UBE2J1: variants seen among roughly 807,000 people sequenced by gnomAD.
The protein encoded by UBE2J1 is ubiquitin-conjugating enzyme E2 J1.
Under a neutral mutation model 42.1 loss-of-function variants are expected in UBE2J1, and 17 were observed. The ratio of observed to expected loss-of-function variants is 0.40; its 90% CI spans 0.28 to 0.61. The LOEUF (loss-of-function observed/expected upper bound fraction) is 0.61, where lower values mean the gene tolerates loss of function less well. Among genes scored for constraint, UBE2J1 ranks in the 20% least tolerant of loss-of-function variants. The pLI is 0.38. For missense variants in UBE2J1, 291 were observed against 389.4 expected (o/e 0.75, Z 2.13); for synonymous variants, 127 against 137.2 (o/e 0.93, Z 0.52).
In UBE2J1 at chr6:89,326,976, GTTC is replaced by G. The variant is rs1320497464; in HGVS notation, c.*2700_*2702del. 6.6e-6 allele frequency: 1 copy of G among 152,458 alleles called. No individual in the cohort carries two copies. The allele number at this position is 152,458 out of a possible 1,614,324, so 9.4% of individuals were successfully genotyped here. A position where few individuals can be genotyped will look rare whatever the true frequency, so the allele number is the denominator to read the frequency against. ...TTCATAGCCAAAAATGACAAAAAGA[GTTC>G]TTATTCTCCCAAAATAGGAAATTTT... On this transcript the variant is annotated 3_prime_UTR_variant, in exon 8 of 8. Transcript: ENST00000435041.
chr6:89,344,916 G>A (rs1305155167), intron 1 of UBE2J1, among the ~76,000 whole-genome samples: 1 of 152,166 alleles, frequency 6.6e-6, no homozygotes, highest in Non-Finnish European at 1.5e-5. Context: ...CCTTTGATAT[G>A]CACTCTGGAT....
intron 5 of UBE2J1, among the ~76,000 whole-genome samples, chr6:89,335,872 A>G (rs1768098483): frequency 6.6e-6 from 1 of 152,196 alleles, no homozygotes; most frequent in South Asian, 2.1e-4. Flanking sequence ...CTAGGGAAAA[A>G]AAAACCCCTC....
intron 4 of UBE2J1, 33 bp from the exon 5 acceptor site, chr6:89,338,343 G>T: frequency 6.3e-7 from 1 of 1,598,366 alleles, no homozygotes; most frequent in Non-Finnish European, 8.6e-7. Context: ...AATCTAAATT[G>T]CTTTGTAAAA....
intron 1 of UBE2J1, among the ~76,000 whole-genome samples, chr6:89,348,876 C>T (rs1307977386): frequency 4.6e-5 from 7 of 152,212 alleles, no homozygotes; most frequent in Non-Finnish European, 8.8e-5. Flanking sequence ...GAGGTTCCAA[C>T]AGGAACCAAA....
In UBE2J1 at chr6:89,352,682, C is replaced by G; in HGVS notation, c.-113G>C. 8.2e-7 allele frequency: 1 copy of G among 1,220,372 alleles called. No homozygotes were observed. Among genetic ancestry groups the G allele is most frequent in the Non-Finnish European group, 1.1e-6 (1 of 920,082 alleles). The allele number at this position is 1,220,372 out of a possible 1,614,324, so 75.6% of individuals were successfully genotyped here. On this transcript the variant is annotated 5_prime_UTR_variant, in exon 1 of 8. Transcript: ENST00000435041. ...CGGACGGGGCCTGGCCGAGGAGCCT[C>G]GGCAAATGCCGCCCAGTCCAGCCTG... is the stretch of plus-strand genomic sequence containing the variant.
At chr6:89,335,241 C>A (rs1398539087) in intron 6 of UBE2J1, 61 bp downstream of exon 6, 3 of 1,429,376 alleles carry the variant, frequency 2.1e-6, no homozygotes, top group African/African-American at 2.9e-5. Context: ...CCTTTCTATG[C>A]AGAATCCAGC....
intron 3 of UBE2J1, among the ~76,000 whole-genome samples, chr6:89,338,851 G>A (rs2127866211): frequency 6.6e-6 from 1 of 151,910 alleles, no homozygotes; most frequent in South Asian, 2.1e-4. Context: ...ATTTTTAGTA[G>A]AGACGGGGTT....
intron 2 of UBE2J1, among the ~76,000 whole-genome samples, chr6:89,343,251 A>C (rs1426986290): frequency 6.6e-6 from 1 of 152,116 alleles, no homozygotes; most frequent in Non-Finnish European, 1.5e-5. Flanking sequence ...CCTGACCAAC[A>C]TGGTGAAACC....
intron 5 of UBE2J1, 143 bp downstream of exon 5, chr6:89,338,062 C>T: frequency 1.8e-6 from 1 of 546,374 alleles, no homozygotes; most frequent in South Asian, 2.9e-5. Flanking sequence ...AACTGAATTC[C>T]TAAAAGAGCA....
At chr6:89,330,626 T>C (rs9294434) in intron 7 of UBE2J1, among the ~76,000 whole-genome samples, 19,726 of 152,030 alleles carry the variant, frequency 0.13, 3,433 homozygotes, top group African/African-American at 0.39. Flanking sequence ...AGACACTATC[T>C]CTACAGAAAA....
At chr6:89,343,145 A>G (rs553928033) in intron 2 of UBE2J1, among the ~76,000 whole-genome samples, 26 of 152,250 alleles carry the variant, frequency 1.7e-4, no homozygotes, top group Non-Finnish European at 3.7e-4. Flanking sequence ...CAGACTCAAG[A>G]TCTAACCTCG....
chr6:89,346,959 T>G (rs952732790), intron 1 of UBE2J1, among the ~76,000 whole-genome samples: 3 of 152,240 alleles, frequency 2.0e-5, no homozygotes, highest in Non-Finnish European at 1.5e-5. Context: ...CAAATATTAG[T>G]TGAATTAAAT....
At chr6:89,351,213 G>T (rs1768471745) in intron 1 of UBE2J1, among the ~76,000 whole-genome samples, 2 of 150,638 alleles carry the variant, frequency 1.3e-5, no homozygotes, top group South Asian at 4.2e-4. Flanking sequence ...CGAGTGGCTG[G>T]AACTACAGGA....
At position 89,340,824 on chromosome 6, in the gene UBE2J1, G is replaced by A. The variant is rs1438260645; in HGVS notation, c.237+1500C>T. On this transcript the variant is annotated intron_variant, in intron 3 of 7. Transcript: ENST00000435041. ...CGCTCTGTCGCCCAGGCTGGACTGC[G>A]GACTGCAGTGGCGCAATCTCGGCTC... Among the ~76,000 whole-genome samples, 6 of 150,414 alleles carry A rather than the reference G, an allele frequency of 4.0e-5. No homozygotes were observed. In the East Asian group the frequency reaches 5.8e-4, roughly 15 times the overall value.
chr6:89,352,456 G>A, intron 1 of UBE2J1, 83 bp downstream of exon 1: 1 of 1,435,834 alleles, frequency 7.0e-7, no homozygotes, highest in South Asian at 1.2e-5. Context: ...AGTGGCGCCA[G>A]ACGCGAGGGG....
chr6:89,350,354 CGTGTGT>C (rs139472058), intron 1 of UBE2J1, among the ~76,000 whole-genome samples: 4 of 151,400 alleles, frequency 2.6e-5, no homozygotes, highest in African/African-American at 9.7e-5. Context: ...TGGTATTTTA[CGTGTGT>C]GTGTGTGTGC....
At position 89,327,867 on chromosome 6, in the gene UBE2J1, TG is replaced by T. The variant is rs1350938671; in HGVS notation, c.*1811del. The T allele has an allele frequency of 2.0e-5, 3 of 152,184 alleles. No individual in the cohort carries two copies. The highest frequency in any genetic ancestry group is 4.4e-5 in the Non-Finnish European group (3 of 68,034). The allele number at this position is 152,184 out of a possible 1,614,324, so 9.4% of individuals were successfully genotyped here. On this transcript the variant is annotated 3_prime_UTR_variant, in exon 8 of 8. Transcript: ENST00000435041. ...TCTTCTCATATGACGCTACCGTCGG[TG>T]ACTTCTTACTAGGAGACCACTGAGC... is the stretch of plus-strand genomic sequence containing the variant.
At chr6:89,347,987 G>A (rs1448251686) in intron 1 of UBE2J1, among the ~76,000 whole-genome samples, 4 of 152,028 alleles carry the variant, frequency 2.6e-5, no homozygotes, top group Non-Finnish European at 5.9e-5. Context: ...AGCAGATTTC[G>A]CTGGCCTTAT....
intron 1 of UBE2J1, 24 bp downstream of exon 1, chr6:89,352,515 C>G: frequency 6.4e-7 from 1 of 1,562,400 alleles, no homozygotes; most frequent in Non-Finnish European, 8.6e-7. Context: ...GCCCTCCTCG[C>G]CCAGGGGCCC....
Sources: allele counts gnomAD v4.1 joint callset (sites outside exome capture counted in the v4.1 genomes callset), GRCh38; gene constraint gnomAD v4.1.1; transcripts MANE v1.5; gene names NCBI Gene and HGNC (gene_info 2026-07-23, HGNC 2026-07-21).